The following ATXN2 variants were observed in gnomAD, a reference collection of about 807,000 sequenced individuals.
ATXN2 encodes ataxin 2.
In ATXN2, 37 loss-of-function variants were observed where a neutral mutation model predicts 138.6. The ratio of observed to expected loss-of-function variants is 0.27; its 90% CI spans 0.21 to 0.35. ATXN2 has a LOEUF of 0.35. Ranked by LOEUF, ATXN2 falls within the 10% of genes least tolerant of loss-of-function variation. ATXN2 has a pLI of 1.00. For missense variants in ATXN2, 1,216 were observed against 1,480.3 expected, an observed-to-expected ratio of 0.82 and a Z score of 2.93; for synonymous variants, 549 against 543.7, an observed-to-expected ratio of 1.01 and a Z score of -0.13.
chr12:111,471,757 CTGGTAA>C (rs1366941095), intron 18 of ATXN2: 1 of 151,604 alleles, frequency 6.6e-6, no homozygotes, highest in Non-Finnish European at 1.5e-5. Context: ...CCACCTCCTT[CTGGTAA>C]ACAAAAAAGC....
intron 14 of ATXN2, among the ~76,000 whole-genome samples, chr12:111,505,853 G>A (rs1879071652): frequency 6.6e-6 from 1 of 152,152 alleles, no homozygotes; most frequent in South Asian, 2.1e-4. Context: ...GTACACAAAA[G>A]AAATGAAAAG....
At chr12:111,525,778 G>C (rs547116992) in intron 5 of ATXN2, among the ~76,000 whole-genome samples, 2 of 151,036 alleles carry the variant, frequency 1.3e-5, no homozygotes, top group African/African-American at 4.9e-5. Flanking sequence ...TCTGCCTCCC[G>C]GGTTCAAGCG....
At chr12:111,497,368 A>T (rs1236223570) in intron 14 of ATXN2, among the ~76,000 whole-genome samples, 3 of 152,122 alleles carry the variant, frequency 2.0e-5, no homozygotes, top group African/African-American at 7.2e-5. Flanking sequence ...ATACTTCTAA[A>T]CTCATTCTAC....
At chr12:111,501,065 T>C (rs1878734106) in intron 14 of ATXN2, among the ~76,000 whole-genome samples, 1 of 152,104 alleles carries the variant, frequency 6.6e-6, no homozygotes. Flanking sequence ...GGATACCCCA[T>C]TTACCCTAAT....
At chr12:111,495,308 CAA>C (rs374203441) in intron 14 of ATXN2, among the ~76,000 whole-genome samples, 6 of 60,364 alleles carry the variant, frequency 9.9e-5, no homozygotes, top group African/African-American at 5.0e-5. Flanking sequence ...AACTCTGTCT[CAA>C]AAAAAAAAAA....
chr12:111,500,465 A>G (rs1182630118), intron 14 of ATXN2, among the ~76,000 whole-genome samples: 1 of 152,188 alleles, frequency 6.6e-6, no homozygotes. Flanking sequence ...TGGGAAGGGT[A>G]ATGGGGAGAA....
At chr12:111,470,525 C>G (rs1463112725) in intron 19 of ATXN2, 33 bp downstream of exon 19, 1 of 1,600,608 alleles carries the variant, frequency 6.2e-7, no homozygotes, top group South Asian at 1.1e-5. Flanking sequence ...TTATATGGTA[C>G]AAAAATTAAG....
chr12:111,465,970 A>G (rs1314611316), intron 20 of ATXN2, among the ~76,000 whole-genome samples: 1 of 149,754 alleles, frequency 6.7e-6, no homozygotes, highest in Non-Finnish European at 1.5e-5. Context: ...ATTCAAGACC[A>G]GCCTGACCAA....
At chr12:111,474,781 C>T (rs368335925) in intron 18 of ATXN2, among the ~76,000 whole-genome samples, 6 of 152,274 alleles carry the variant, frequency 3.9e-5, no homozygotes, top group African/African-American at 1.4e-4. Flanking sequence ...TCAATACATT[C>T]GTAATAAAAA....
chr12:111,490,045 AT>A (rs2135704044), intron 14 of ATXN2, among the ~76,000 whole-genome samples: 1 of 140,844 alleles, frequency 7.1e-6, no homozygotes, highest in Admixed American at 7.1e-5. Context: ...TCTACTAAAG[AT>A]AAAAAAAAAA....
intron 2 of ATXN2, 91 bp downstream of exon 2, chr12:111,555,792 A>C: frequency 9.3e-7 from 1 of 1,073,382 alleles, no homozygotes; most frequent in Non-Finnish European, 1.4e-6. Context: ...ATTCAAAAGA[A>C]GGGAATCTTT....
chr12:111,551,795 T>C (rs961338299), intron 5 of ATXN2, among the ~76,000 whole-genome samples: 3 of 152,238 alleles, frequency 2.0e-5, no homozygotes, highest in Admixed American at 6.5e-5. Context: ...AAGTTCTAAT[T>C]GTTTTCCAAC....
intron 1 of ATXN2, among the ~76,000 whole-genome samples, chr12:111,582,538 T>C (rs1338891055): frequency 6.6e-6 from 1 of 151,712 alleles, no homozygotes; most frequent in Admixed American, 6.6e-5. Context: ...AACCCAGGAG[T>C]TAAAGGCTGC....
At position 111,485,102 on chromosome 12, in the gene ATXN2, T is replaced by C; in HGVS notation, c.2524+163A>G. On this transcript the variant is annotated intron_variant, in intron 18 of 24. Coordinates refer to ENST00000673436, the MANE Select transcript of ATXN2 (RefSeq NM_001372574.1). ...ATTTTTTCTCCCCTGTTTTTCTTCATAAAATCCATGTGAATATCTATGTAA... is the reference window on the plus strand; with the variant it reads ...ATTTTTTCTCCCCTGTTTTTCTTCACAAAATCCATGTGAATATCTATGTAA... 3 of 599,818 alleles carry C rather than the reference T, an allele frequency of 5.0e-6. No individual in the cohort carries two copies. In the South Asian group the frequency reaches 9.1e-5, roughly 18 times the overall value. The allele number at this position is 599,818 out of a possible 1,614,324, so 37.2% of individuals were successfully genotyped here. A position where few individuals can be genotyped will look rare whatever the true frequency, so the allele number is the denominator to read the frequency against.
intron 1 of ATXN2, among the ~76,000 whole-genome samples, chr12:111,587,346 TATGAAAAACGTCA>T (rs1285750569): frequency 2.6e-5 from 4 of 152,020 alleles, no homozygotes; most frequent in Non-Finnish European, 5.9e-5. Flanking sequence ...TAAAAAGCAA[TATGAAAAACGTCA>T]ATGAAAAATA....
intron 5 of ATXN2, among the ~76,000 whole-genome samples, chr12:111,534,342 G>C (rs1018753623): frequency 6.6e-6 from 1 of 151,706 alleles, no homozygotes; most frequent in Non-Finnish European, 1.5e-5. Context: ...AGGAGGTTGC[G>C]GTGAGCCAAG....
intron 5 of ATXN2, among the ~76,000 whole-genome samples, chr12:111,532,801 T>C (rs1880907611): frequency 7.8e-6 from 1 of 128,384 alleles, no homozygotes; most frequent in Non-Finnish European, 1.6e-5. Flanking sequence ...ATAAAGCAAA[T>C]AGGTGAGGGA....
At chr12:111,464,377 C>T (rs1875845421) in intron 21 of ATXN2, among the ~76,000 whole-genome samples, 1 of 145,410 alleles carries the variant, frequency 6.9e-6, no homozygotes, top group Admixed American at 7.0e-5. Flanking sequence ...GTGTATAAAG[C>T]TGTTTAGGAA....
At chr12:111,465,682 A>G (rs1875945074) in intron 20 of ATXN2, among the ~76,000 whole-genome samples, 1 of 147,616 alleles carries the variant, frequency 6.8e-6, no homozygotes, top group South Asian at 2.2e-4. Flanking sequence ...AGGCAGAAAA[A>G]CCGCTTGAAC....
Sources: allele counts gnomAD v4.1 joint callset (sites outside exome capture counted in the v4.1 genomes callset), GRCh38; gene constraint gnomAD v4.1.1; transcripts MANE v1.5; gene names NCBI Gene and HGNC (gene_info 2026-07-23, HGNC 2026-07-21).